MYO5B: variants seen among roughly 807,000 people sequenced by gnomAD.
MYO5B encodes the protein unconventional myosin-Vb.
Under a neutral mutation model 229.3 loss-of-function variants are expected in MYO5B, and 143 were observed. The observed-to-expected ratio is 0.62, with a 90% CI of 0.54 to 0.72. The LOEUF (loss-of-function observed/expected upper bound fraction) is 0.72, where lower values mean the gene tolerates loss of function less well. MYO5B is among the 30% of genes least tolerant of loss of function. MYO5B has a pLI of 0.00. For missense variants in MYO5B, 2,321 were observed against 2,331.0 expected (o/e 1.00, Z 0.09); for synonymous variants, 918 against 885.2 (o/e 1.04, Z -0.66).
chr18:49,981,511 G>A (rs1477806669), intron 8 of MYO5B, among the ~76,000 whole-genome samples: 1 of 152,232 alleles, frequency 6.6e-6, no homozygotes, highest in Non-Finnish European at 1.5e-5. Context: ...TTTTATGTTA[G>A]ATGGCCACTA....
chr18:50,023,204 A>G (rs2026295614), intron 4 of MYO5B, among the ~76,000 whole-genome samples: 1 of 151,994 alleles, frequency 6.6e-6, no homozygotes, highest in African/African-American at 2.4e-5. Context: ...ATTAGTTCTA[A>G]GAACATTGCG....
chr18:50,144,902 TAA>T (rs2032475468), intron 1 of MYO5B, among the ~76,000 whole-genome samples: 1 of 152,152 alleles, frequency 6.6e-6, no homozygotes, highest in Non-Finnish European at 1.5e-5. Context: ...AAATCCCAGG[TAA>T]AAACAAGTTA....
intron 4 of MYO5B, among the ~76,000 whole-genome samples, chr18:50,008,756 A>G (rs1329035989): frequency 1.3e-5 from 2 of 152,272 alleles, no homozygotes; most frequent in Non-Finnish European, 2.9e-5. Flanking sequence ...AAGCCCCTCT[A>G]TATCATTTCA....
intron 1 of MYO5B, among the ~76,000 whole-genome samples, chr18:50,066,762 G>C (rs1036972803): frequency 6.6e-6 from 1 of 152,120 alleles, no homozygotes; most frequent in Non-Finnish European, 1.5e-5. Flanking sequence ...AGTTGCCTCC[G>C]ATTTCCATCC....
In MYO5B at chr18:50,194,768, T is replaced by G. The variant is rs757926386; in HGVS notation, c.26A>C (p.Gln9Pro). 6.8e-7 allele frequency: 1 copy of G among 1,473,852 alleles called. No homozygotes were observed. The highest frequency in any genetic ancestry group is 9.0e-7 in the Non-Finnish European group (1 of 1,117,144). 91.3% of individuals were successfully genotyped at this position (1,473,852 alleles called of 1,614,324 possible). A position where few individuals can be genotyped will look rare whatever the true frequency, so the allele number is the denominator to read the frequency against. ...CGCCTCCCTCGCGGCCGCGCTCACC[T>G]GGCTGTAGAGCTCGCCCACCGACAT... MSVGELYS[Q>P]CTRVWIPDPD... Residue 9 changes from glutamine to proline, a missense_variant and splice_region_variant, in exon 1 of 40, where the codon CAG becomes CCG. Transcript: ENST00000285039.
intron 1 of MYO5B, among the ~76,000 whole-genome samples, chr18:50,075,320 G>C (rs58374615): frequency 6.6e-6 from 1 of 152,228 alleles, no homozygotes; most frequent in East Asian, 1.9e-4. Context: ...AGACATCTCA[G>C]GTGTGTGCCA....
rs115868647 is a variant in MYO5B at position 49,867,083 on chromosome 18, A to G, written c.3604-2703T>C. Among the ~76,000 whole-genome samples the G allele has an allele frequency of 9.9e-3, 1,507 of 152,286 alleles. 49 individuals carry two copies. The South Asian group carries it at 0.13, about 14-fold the overall frequency. ...TCCAAAATCCAGGGAAGGAAGCTGG[A>G]TCCAGGAAAAAGCAGTGAGCTGGTC... is the stretch of plus-strand genomic sequence containing the variant. On this transcript the variant is annotated intron_variant, in intron 27 of 39. Transcript: ENST00000285039.
chr18:49,858,812 C>G (rs998512048), intron 29 of MYO5B, among the ~76,000 whole-genome samples: 11 of 152,164 alleles, frequency 7.2e-5, no homozygotes, highest in African/African-American at 2.7e-4. Flanking sequence ...AAACTAAAAA[C>G]CAGTCAACCA....
intron 4 of MYO5B, among the ~76,000 whole-genome samples, chr18:50,030,879 A>G (rs2026380722): frequency 2.0e-4 from 1 of 5,078 alleles, no homozygotes; most frequent in South Asian, 6.0e-3. Context: ...CCTTTCAGAA[A>G]AAAAAAAAAA....
Position 50,194,747 on chromosome 18 carries a change from T to C in MYO5B, c.27+20A>G. 1 of 1,472,076 alleles carries C rather than the reference T, an allele frequency of 6.8e-7. No homozygotes were observed. Among genetic ancestry groups the C allele is most frequent in the Admixed American group, 2.2e-5 (1 of 45,024 alleles). 91.2% of individuals were successfully genotyped at this position (1,472,076 alleles called of 1,614,324 possible). ...CGCGCCACCCCGGCCCCGGGGCGCC[T>C]CCCTCGCGGCCGCGCTCACCTGGCT... On this transcript the variant is annotated intron_variant, in intron 1 of 39. Transcript: ENST00000285039.
At chr18:50,185,772 A>T (rs1471417437) in intron 1 of MYO5B, among the ~76,000 whole-genome samples, 1 of 152,232 alleles carries the variant, frequency 6.6e-6, no homozygotes, top group Non-Finnish European at 1.5e-5. Context: ...TTGGCAATTT[A>T]AAAAATGTAT....
At chr18:50,173,390 G>A (rs890061579) in intron 1 of MYO5B, among the ~76,000 whole-genome samples, 2 of 152,192 alleles carry the variant, frequency 1.3e-5, no homozygotes, top group East Asian at 1.9e-4. Flanking sequence ...CATGGGCCTG[G>A]TAAGGGGTTT....
In MYO5B at chr18:50,009,698, A is replaced by AT. The variant is rs1434441320; in HGVS notation, c.456-8288dup. 2.6e-5 allele frequency among the ~76,000 whole-genome samples: 4 copies of AT among 152,332 alleles called. No individual in the cohort carries two copies. The East Asian group carries it at 7.7e-4, about 29-fold the overall frequency. On this transcript the variant is annotated intron_variant, in intron 4 of 39. Transcript: ENST00000285039. ...CTCAAAACAGAGCCATATAATTACA[A>AT]TTATTCTAACATTCAAGGGCTTCCT...
intron 14 of MYO5B, among the ~76,000 whole-genome samples, chr18:49,944,035 A>G (rs944023406): frequency 2.6e-5 from 4 of 152,190 alleles, no homozygotes; most frequent in Non-Finnish European, 5.9e-5. Context: ...GTGAGAAGGA[A>G]GCAAGAGGGA....
intron 1 of MYO5B, among the ~76,000 whole-genome samples, chr18:50,060,190 A>C (rs895430672): frequency 2.6e-5 from 4 of 152,156 alleles, no homozygotes; most frequent in South Asian, 4.1e-4. Flanking sequence ...TCTCAGTTTA[A>C]ACACACACAC....
chr18:50,077,818 G>A (rs1241682073), intron 1 of MYO5B, among the ~76,000 whole-genome samples: 1 of 152,122 alleles, frequency 6.6e-6, no homozygotes, highest in East Asian at 1.9e-4. Context: ...GTAACCCAGG[G>A]ACAAGACACC....
chr18:49,999,452 A>G (rs1444458283), intron 5 of MYO5B, among the ~76,000 whole-genome samples: 1 of 152,242 alleles, frequency 6.6e-6, no homozygotes, highest in African/African-American at 2.4e-5. Flanking sequence ...ATATGCTACC[A>G]ATGAAATGTC....
rs1252978370 is a variant in MYO5B at position 49,954,312 on chromosome 18, C to A, written c.1668+1G>T. 4 of 1,613,784 alleles carry A rather than the reference C, an allele frequency of 2.5e-6. No homozygotes were observed. The highest frequency in any genetic ancestry group is 3.4e-6 in the Non-Finnish European group (4 of 1,179,894). Reference sequence around the variant, plus strand: ...CCCGAGCCAACAGAGAGGAGAGCCACCTTGTCTGCAAAGTGGACGATGATG... The same window carrying A: ...CCCGAGCCAACAGAGAGGAGAGCCAACTTGTCTGCAAAGTGGACGATGATG... On this transcript the variant is annotated splice_donor_variant, in intron 13 of 39. Coordinates refer to ENST00000285039, the MANE Select transcript of MYO5B (RefSeq NM_001080467.3). LOFTEE classifies it high-confidence loss of function.
At chr18:49,930,308 G>A (rs1460135073) in intron 16 of MYO5B, among the ~76,000 whole-genome samples, 1 of 152,166 alleles carries the variant, frequency 6.6e-6, no homozygotes, top group African/African-American at 2.4e-5. Context: ...TCATGTAGAT[G>A]AACTTCATTT....
Sources: allele counts gnomAD v4.1 joint callset (sites outside exome capture counted in the v4.1 genomes callset), GRCh38; gene constraint gnomAD v4.1.1; transcripts MANE v1.5; gene names NCBI Gene and HGNC (gene_info 2026-07-23, HGNC 2026-07-21).